The following CRLF3 variants were observed in gnomAD, a reference collection of about 807,000 sequenced individuals.
CRLF3 encodes the protein cytokine receptor like factor 3, also known as cytokine receptor-like factor 3.
CRLF3 carries 33 observed loss-of-function variants against 55.0 expected under a neutral mutation model. The observed-to-expected ratio is 0.60, with a 90% confidence interval of 0.46 to 0.80. The LOEUF is 0.80. Ranked by LOEUF, CRLF3 falls within the 30% of genes least tolerant of loss-of-function variation. CRLF3 has a pLI of 0.00. For synonymous variants in CRLF3, 238 were observed against 196.8 expected, an observed-to-expected ratio of 1.21 and a Z score of -1.75; for missense variants, 494 against 538.4, an observed-to-expected ratio of 0.92 and a Z score of 0.82.
In CRLF3 at chr17:30,784,280, T is replaced by C. The variant is rs1971581338; in HGVS notation, c.1236A>G (p.Glu412=). Residue 412 remains glutamate, a synonymous_variant, in exon 8 of 8, where the codon GAA becomes GAG. Coordinates refer to ENST00000324238, the MANE Select transcript of CRLF3 (RefSeq NM_015986.4). ...LRVTISSNNR[E]VVFDWLLDQS... ...GATCAAGTAACCAGTCAAAAACCACTTCTCTATTATTTGAACTTATAGTTA... is the reference window on the plus strand; with the variant it reads ...GATCAAGTAACCAGTCAAAAACCACCTCTCTATTATTTGAACTTATAGTTA... 1.2e-6 allele frequency: 2 copies of C among 1,613,962 alleles called. No homozygotes were observed. Among genetic ancestry groups the C allele is most frequent in the Non-Finnish European group, 1.7e-6 (2 of 1,179,874 alleles).
Position 30,796,937 on chromosome 17 carries a change from T to A in CRLF3, c.425+374A>T, listed in dbSNP as rs145575466. Among the ~76,000 whole-genome samples the A allele has an allele frequency of 7.2e-4, 109 of 152,132 alleles. 1 individual carries two copies. The East Asian group carries it at 0.019, about 26-fold the overall frequency. On this transcript the variant is annotated intron_variant, in intron 3 of 7. Transcript: ENST00000324238. Reference sequence around the variant, plus strand: ...TTATTTTGAGATGGAGTCTTGCTGTTGCCCAGGCTGGAGTGTAGTGGTACA... The same window carrying A: ...TTATTTTGAGATGGAGTCTTGCTGTAGCCCAGGCTGGAGTGTAGTGGTACA...
chr17:30,824,000 A>C (rs552801289), intron 1 of CRLF3, among the ~76,000 whole-genome samples: 1 of 152,204 alleles, frequency 6.6e-6, no homozygotes, highest in Non-Finnish European at 1.5e-5. Context: ...CATTAACCGC[A>C]TTTATTGTCA....
At chr17:30,785,788 A>C in intron 7 of CRLF3, 131 bp downstream of exon 7, 1 of 577,586 alleles carries the variant, frequency 1.7e-6, no homozygotes, top group East Asian at 3.0e-5. Context: ...TAATAAAAAA[A>C]AAAAAAAAGA....
At chr17:30,811,993 C>T (rs997067479) in intron 1 of CRLF3, among the ~76,000 whole-genome samples, 1 of 151,604 alleles carries the variant, frequency 6.6e-6, no homozygotes, top group African/African-American at 2.4e-5. Context: ...ACTTGTAGTC[C>T]CAGCTACTCG....
At chr17:30,806,582 G>A (rs1196888376) in intron 1 of CRLF3, among the ~76,000 whole-genome samples, 1 of 152,100 alleles carries the variant, frequency 6.6e-6, no homozygotes, top group Non-Finnish European at 1.5e-5. Flanking sequence ...CCATATTCTA[G>A]GGGATATGAC....
At chr17:30,789,042 C>CT (rs1971721036) in intron 6 of CRLF3, among the ~76,000 whole-genome samples, 1 of 152,184 alleles carries the variant, frequency 6.6e-6, no homozygotes, top group African/African-American at 2.4e-5. Context: ...TGGAGTCCCC[C>CT]TTGCATTCAC....
chr17:30,793,339 A>G (rs1360606518), intron 5 of CRLF3, 111 bp downstream of exon 5: 2 of 777,740 alleles, frequency 2.6e-6, no homozygotes, highest in Non-Finnish European at 4.2e-6. Context: ...GTTCTTATCA[A>G]TTCAGGATCT....
In CRLF3 at chr17:30,783,990, A is replaced by AAT; in HGVS notation, c.*195_*196dup. The AAT allele has an allele frequency of 1.9e-6, 1 of 533,546 alleles. No individual in the cohort carries two copies. The highest frequency in any genetic ancestry group is 3.0e-5 in the East Asian group (1 of 33,172). The allele number at this position is 533,546 out of a possible 1,614,324, so 33.1% of individuals were successfully genotyped here. ...ATATTTAACAGTATGCTAAAAATAA[A>AAT]ATTGACTGAATTGTATGATTTTGTC... is the stretch of plus-strand genomic sequence containing the variant. On this transcript the variant is annotated 3_prime_UTR_variant, in exon 8 of 8. Transcript: ENST00000324238.
chr17:30,793,328 T>C (rs1971853677), intron 5 of CRLF3, 122 bp downstream of exon 5: 1 of 711,806 alleles, frequency 1.4e-6, no homozygotes. Flanking sequence ...TGGTGCATGT[T>C]GTTCTTATCA....
chr17:30,824,635 T>C lies in CRLF3; in HGVS notation c.17A>G (p.Glu6Gly), dbSNP rs1161938000. The part of the protein sequence containing the change: MRGAM[E>G]LEPELLLQEA... ...CTGCAACAGCAGCTCAGGCTCCAGC[T>C]CCATCGCCCCCCTCATCTGGCCGCG... is the stretch of plus-strand genomic sequence containing the variant. The change falls in exon 1 of 8, where the codon GAG (glutamate) becomes GGG (glycine). Residue 6 changes from glutamate to glycine, a missense_variant. Transcript: ENST00000324238. 39 of 1,599,788 alleles carry C rather than the reference T, an allele frequency of 2.4e-5. No homozygotes were observed. The highest frequency in any genetic ancestry group is 3.1e-5 in the Non-Finnish European group (36 of 1,177,340).
At chr17:30,785,799 A>AT in intron 7 of CRLF3, 120 bp downstream of exon 7, 1 of 593,688 alleles carries the variant, frequency 1.7e-6, no homozygotes, top group Non-Finnish European at 2.9e-6. Flanking sequence ...AAAAAAAAGA[A>AT]AAAGAAAAAT....
intron 2 of CRLF3, among the ~76,000 whole-genome samples, chr17:30,798,498 T>TA (rs1971958043): frequency 6.6e-6 from 1 of 152,184 alleles, no homozygotes; most frequent in Non-Finnish European, 1.5e-5. Flanking sequence ...GCCCTGTAGT[T>TA]ACTCAAGTTT....
chr17:30,813,740 A>C (rs1481856587), intron 1 of CRLF3, among the ~76,000 whole-genome samples: 3 of 151,096 alleles, frequency 2.0e-5, no homozygotes, highest in Admixed American at 1.3e-4. Context: ...TCTATCTCCT[A>C]ATGCTATCCC....
chr17:30,802,749 A>G (rs544494304), intron 2 of CRLF3, among the ~76,000 whole-genome samples: 57 of 152,214 alleles, frequency 3.7e-4, no homozygotes, highest in Admixed American at 1.2e-3. Flanking sequence ...GTGCCTGACA[A>G]AGATCTCTGT....
At chr17:30,795,079 CTG>C (rs1206933898) in intron 4 of CRLF3, among the ~76,000 whole-genome samples, 1 of 151,982 alleles carries the variant, frequency 6.6e-6, no homozygotes, top group Non-Finnish European at 1.5e-5. Flanking sequence ...TAGCAAAAAA[CTG>C]GAAATAACTA....
In CRLF3 at chr17:30,808,813, G is replaced by A. The variant is rs547357183; in HGVS notation, c.130-4705C>T. 1.5e-4 allele frequency among the ~76,000 whole-genome samples: 22 copies of A among 151,478 alleles called. 1 individual carries two copies. Among genetic ancestry groups the A allele is most frequent in the East Asian group, 1.2e-3 (6 of 5,130 alleles). On this transcript the variant is annotated intron_variant, in intron 1 of 7. Transcript: ENST00000324238. The stretch of plus-strand genomic sequence containing the variant: ...TTTCACCATTTTGGCCAGGCTGGTC[G>A]CGAACTCCTGACCTTGTGATCTGCC...
chr17:30,784,056 G>T lies in CRLF3; in HGVS notation c.*131C>A, dbSNP rs1971572775. The stretch of plus-strand genomic sequence containing the variant: ...TCTTTTTGCTAAAATATTACAAAAT[G>T]AATCCAGTAAACACTTTCCAATGGC... On this transcript the variant is annotated 3_prime_UTR_variant, in exon 8 of 8. Transcript: ENST00000324238. 4.0e-6 allele frequency: 3 copies of T among 741,684 alleles called. No individual in the cohort carries two copies. The highest frequency in any genetic ancestry group is 4.2e-5 in the South Asian group (2 of 47,538). The allele number at this position is 741,684 out of a possible 1,614,324, so 45.9% of individuals were successfully genotyped here. A position where few individuals can be genotyped will look rare whatever the true frequency, so the allele number is the denominator to read the frequency against.
chr17:30,788,165 A>G (rs1006177054), intron 6 of CRLF3, among the ~76,000 whole-genome samples: 8 of 151,140 alleles, frequency 5.3e-5, no homozygotes, highest in African/African-American at 1.7e-4. Context: ...CGTCTCTACT[A>G]AAAATACAAT....
At chr17:30,822,062 C>CAAA (rs576859607) in intron 1 of CRLF3, among the ~76,000 whole-genome samples, 3 of 56,092 alleles carry the variant, frequency 5.3e-5, no homozygotes, top group African/African-American at 1.2e-4. Flanking sequence ...GCACCCCCGC[C>CAAA]AAAAAAAAAA....
Sources: gnomAD v4.1 joint callset for allele counts (sites outside exome capture counted in the v4.1 genomes callset) on GRCh38, gnomAD v4.1.1 for gene constraint, MANE v1.5 for transcripts, NCBI Gene and HGNC (gene_info 2026-07-23, HGNC 2026-07-21) for gene names.